The following C3orf85 variants were observed in gnomAD, a reference collection of about 807,000 sequenced individuals.
The protein encoded by C3orf85 is chromosome 3 open reading frame 85.
C3orf85 carries 1 observed loss-of-function variant against 1.7 expected under a neutral mutation model. The observed-to-expected ratio is 0.60, with a 90% CI of 0.21 to 2.86. The LOEUF is 2.86. Ranked by LOEUF, C3orf85 falls within the 30% of genes most tolerant of loss-of-function variation. The pLI is 0.22. For synonymous variants in C3orf85, 17 were observed against 8.0 expected (o/e 2.13, Z -1.90); for missense variants, 29 against 21.3 (o/e 1.36, Z -0.72).
At position 109,149,962 on chromosome 3, in the gene C3orf85, A is replaced by G. The variant is rs895173291; in HGVS notation, c.*68A>G. 2.5e-6 allele frequency: 1 copy of G among 396,678 alleles called. No homozygotes were observed. Among genetic ancestry groups the G allele is most frequent in the African/African-American group, 2.1e-5 (1 of 48,550 alleles). 24.6% of individuals were successfully genotyped at this position (396,678 alleles called of 1,614,324 possible). A position where few individuals can be genotyped will look rare whatever the true frequency, so the allele number is the denominator to read the frequency against. On this transcript the variant is annotated 3_prime_UTR_variant, in exon 4 of 4. Coordinates refer to ENST00000622536, the MANE Select transcript of C3orf85 (RefSeq NM_001351622.2). ...GTTGGAATGGCATTGTGCCAAAACCATGGGTTTTAGAGATCTGAGGGTATA... is the reference window on the plus strand; with the variant it reads ...GTTGGAATGGCATTGTGCCAAAACCGTGGGTTTTAGAGATCTGAGGGTATA...
rs575728900 is a variant in C3orf85, at chr3:109,141,033, C to A, written c.49+4137C>A. Among the ~76,000 whole-genome samples, 4 of 152,294 alleles carry A rather than the reference C, an allele frequency of 2.6e-5. No homozygotes were observed. The East Asian group carries it at 7.7e-4, about 29-fold the overall frequency. On this transcript the variant is annotated intron_variant, in intron 2 of 3. Transcript: ENST00000622536. ...ACGGAGTCTCTCTCTGTCGCTCAGGCTGGAGTGGAGTGGTGTGATCTCAGT... is the reference window on the plus strand; with the variant it reads ...ACGGAGTCTCTCTCTGTCGCTCAGGATGGAGTGGAGTGGTGTGATCTCAGT...
intron 2 of C3orf85, among the ~76,000 whole-genome samples, chr3:109,142,994 C>G (rs1381341676): frequency 6.6e-6 from 1 of 152,198 alleles, no homozygotes; most frequent in African/African-American, 2.4e-5. Flanking sequence ...AGAACCAGAA[C>G]AGGAAGCATG....
intron 2 of C3orf85, among the ~76,000 whole-genome samples, chr3:109,142,477 T>G (rs35238246): frequency 0.015 from 2,293 of 152,290 alleles, 25 homozygotes; most frequent in Middle Eastern, 0.088. Context: ...GTAGCAGGTA[T>G]CAGGTAATAC....
chr3:109,145,036 C>T (rs954634062), intron 2 of C3orf85, among the ~76,000 whole-genome samples: 8 of 152,114 alleles, frequency 5.3e-5, no homozygotes, highest in African/African-American at 1.7e-4. Context: ...ACTGGTCAGC[C>T]CAAATGAATG....
chr3:109,139,909 C>T lies in C3orf85; in HGVS notation c.49+3013C>T, dbSNP rs188201571. On this transcript the variant is annotated intron_variant, in intron 2 of 3. Coordinates refer to ENST00000622536, the MANE Select transcript of C3orf85 (RefSeq NM_001351622.2). ...TTTGTCTTGAAAGATTTTTGATTTG[C>T]TTTGTTTTTTGACAAGAGCTTTTAA... Among the ~76,000 whole-genome samples, 26 of 152,254 alleles carry T rather than the reference C, an allele frequency of 1.7e-4. No homozygotes were observed. The South Asian group carries it at 3.9e-3, about 23-fold the overall frequency.
intron 2 of C3orf85, among the ~76,000 whole-genome samples, chr3:109,142,578 C>T (rs72937343): frequency 0.018 from 2,770 of 152,180 alleles, 71 homozygotes; most frequent in African/African-American, 0.052. Flanking sequence ...GTCTTCTGAC[C>T]CCACTGAATC....
At chr3:109,138,348 A>G (rs981137448) in intron 2 of C3orf85, among the ~76,000 whole-genome samples, 2 of 152,202 alleles carry the variant, frequency 1.3e-5, no homozygotes, top group African/African-American at 4.8e-5. Context: ...TTGCAGATTG[A>G]GGAGACTGAT....
At chr3:109,141,582 C>G (rs1356119916) in intron 2 of C3orf85, among the ~76,000 whole-genome samples, 1 of 152,074 alleles carries the variant, frequency 6.6e-6, no homozygotes, top group Non-Finnish European at 1.5e-5. Flanking sequence ...CTGTCTCTCT[C>G]TCTCCTTTTC....
chr3:109,145,711 G>C (rs1021864193), intron 2 of C3orf85, among the ~76,000 whole-genome samples: 5 of 152,150 alleles, frequency 3.3e-5, no homozygotes, highest in African/African-American at 1.2e-4. Context: ...ATTCAGAAAT[G>C]ATTATTAATT....
At chr3:109,143,981 G>T (rs35935408) in intron 2 of C3orf85, among the ~76,000 whole-genome samples, 4,818 of 152,216 alleles carry the variant, frequency 0.032, 166 homozygotes, top group Middle Eastern at 0.092. Context: ...TCCTATTAAA[G>T]CTGACTATGA....
intron 2 of C3orf85, among the ~76,000 whole-genome samples, chr3:109,141,179 G>T (rs541332114): frequency 6.6e-6 from 1 of 152,062 alleles, no homozygotes; most frequent in African/African-American, 2.4e-5. Context: ...TAGAGACGGG[G>T]TTTCACCATG....
At chr3:109,144,762 A>G (rs962379110) in intron 2 of C3orf85, among the ~76,000 whole-genome samples, 11 of 152,224 alleles carry the variant, frequency 7.2e-5, no homozygotes, top group Admixed American at 7.2e-4. Flanking sequence ...AGCAATTACT[A>G]CAGATTCACT....
intron 1 of C3orf85, 21 bp from the exon 2 acceptor site, chr3:109,136,823 C>CTT (rs754161763): frequency 3.1e-5 from 12 of 381,404 alleles, no homozygotes; most frequent in East Asian, 1.5e-4. Flanking sequence ...GTAAATAAAT[C>CTT]TTTTTTTTTT....
At chr3:109,143,761 G>A (rs1576774141) in intron 2 of C3orf85, among the ~76,000 whole-genome samples, 1 of 152,228 alleles carries the variant, frequency 6.6e-6, no homozygotes, top group African/African-American at 2.4e-5. Flanking sequence ...AAAAATGGAA[G>A]TGTAGGAATA....
intron 2 of C3orf85, among the ~76,000 whole-genome samples, chr3:109,143,092 T>C (rs939287139): frequency 1.3e-5 from 2 of 152,166 alleles, no homozygotes; most frequent in African/African-American, 4.8e-5. Flanking sequence ...ACAAATTAAG[T>C]GAAGCACTGC....
At chr3:109,141,288 C>G (rs897977422) in intron 2 of C3orf85, among the ~76,000 whole-genome samples, 1 of 152,086 alleles carries the variant, frequency 6.6e-6, no homozygotes, top group Non-Finnish European at 1.5e-5. Context: ...CACCTCGGCC[C>G]CTGTTAGACC....
chr3:109,138,679 CT>C (rs1706706316), intron 2 of C3orf85, among the ~76,000 whole-genome samples: 1 of 151,838 alleles, frequency 6.6e-6, no homozygotes, highest in Non-Finnish European at 1.5e-5. Flanking sequence ...ATCTATTTTC[CT>C]GATGGGAATG....
At chr3:109,145,062 T>C (rs188720954) in intron 2 of C3orf85, among the ~76,000 whole-genome samples, 1 of 151,802 alleles carries the variant, frequency 6.6e-6, no homozygotes, top group Non-Finnish European at 1.5e-5. Flanking sequence ...TCCTTCCTCC[T>C]GTCTTCCTCA....
chr3:109,149,595 G>A (rs549938665), intron 3 of C3orf85: 84 of 334,904 alleles, frequency 2.5e-4, no homozygotes, highest in South Asian at 1.9e-3. Flanking sequence ...TGCTACATTG[G>A]TTTATACTGT....
Sources: allele counts gnomAD v4.1 joint callset (sites outside exome capture counted in the v4.1 genomes callset), GRCh38; gene constraint gnomAD v4.1.1; transcripts MANE v1.5; gene names NCBI Gene and HGNC (gene_info 2026-07-23, HGNC 2026-07-21).